LAMA2: variants seen among roughly 807,000 people sequenced by gnomAD.
LAMA2 encodes laminin subunit alpha-2.
LAMA2 carries 269 observed loss-of-function variants against 364.8 expected under a neutral mutation model. That is an observed-to-expected ratio of 0.74 (90% CI 0.67 to 0.82). LAMA2 has a LOEUF of 0.82. LAMA2 is among the 40% of genes least tolerant of loss of function. The probability of loss-of-function intolerance (pLI) is 0.00; values close to 1 mark genes in which losing one functional copy is unlikely to be tolerated. For missense variants in LAMA2, 3,807 were observed against 3,873.2 expected (o/e 0.98, Z 0.45); for synonymous variants, 1,379 against 1,370.6 (o/e 1.01, Z -0.14).
At chr6:129,464,538 G>A in intron 50 of LAMA2, 86 bp downstream of exon 50, 12 of 1,155,494 alleles carry the variant, frequency 1.0e-5, no homozygotes, top group Non-Finnish European at 1.6e-5. Flanking sequence ...TCAGTTATTG[G>A]TAAAATTATC....
At chr6:129,178,130 T>G (rs1348469670) in intron 10 of LAMA2, among the ~76,000 whole-genome samples, 1 of 152,294 alleles carries the variant, frequency 6.6e-6, no homozygotes, top group South Asian at 2.1e-4. Context: ...ATTGCCCAAC[T>G]AGTGTGTTAA....
intron 4 of LAMA2, among the ~76,000 whole-genome samples, chr6:129,137,548 ATAATT>A (rs1170354749): frequency 6.6e-6 from 1 of 152,108 alleles, no homozygotes; most frequent in Non-Finnish European, 1.5e-5. Flanking sequence ...TAGCTCTAAA[ATAATT>A]TATTAGACTA....
In LAMA2 at chr6:129,252,598, A is replaced by ATG. The variant is rs111553159; in HGVS notation, c.2096+304_2096+305dup. On this transcript the variant is annotated intron_variant, in intron 14 of 64. Coordinates refer to ENST00000421865, the MANE Select transcript of LAMA2 (RefSeq NM_000426.4). Reference sequence around the variant, plus strand: ...ATTGGAAAATAAAGTCTCCTTTATGATGGCTCATAGCGTGGGAAGCTAAAA... The same window carrying ATG: ...ATTGGAAAATAAAGTCTCCTTTATGATGTGGCTCATAGCGTGGGAAGCTAAAA... 2.3e-3 allele frequency among the ~76,000 whole-genome samples: 352 copies of ATG among 152,342 alleles called. 1 individual carries two copies. The highest frequency in any genetic ancestry group is 8.0e-3 in the African/African-American group (331 of 41,572).
chr6:129,400,840 C>G (rs1340522140), intron 37 of LAMA2, among the ~76,000 whole-genome samples: 2 of 152,324 alleles, frequency 1.3e-5, no homozygotes, highest in African/African-American at 4.8e-5. Context: ...TATGTTTATG[C>G]TCACAAAGTA....
chr6:129,183,664 T>C (rs944605378), intron 10 of LAMA2, among the ~76,000 whole-genome samples: 2 of 151,982 alleles, frequency 1.3e-5, no homozygotes, highest in African/African-American at 4.8e-5. Flanking sequence ...TTCCTTTGCT[T>C]AGCCAGGCAT....
intron 11 of LAMA2, 138 bp downstream of exon 11, chr6:129,190,483 A>G: frequency 1.1e-6 from 1 of 879,394 alleles, no homozygotes; most frequent in Admixed American, 2.5e-5. Flanking sequence ...AATTTTCTTC[A>G]AATGCTGTTG....
intron 1 of LAMA2, among the ~76,000 whole-genome samples, chr6:128,987,863 C>G (rs1319333671): frequency 6.6e-6 from 1 of 152,024 alleles, no homozygotes; most frequent in Non-Finnish European, 1.5e-5. Flanking sequence ...ATAGTGGCTA[C>G]TCAGCATGTA....
chr6:128,914,252 T>C (rs1021237151), intron 1 of LAMA2, among the ~76,000 whole-genome samples: 72 of 152,294 alleles, frequency 4.7e-4, no homozygotes, highest in African/African-American at 1.6e-3. Context: ...AACAATTTGA[T>C]ACTTCAAACC....
intron 4 of LAMA2, among the ~76,000 whole-genome samples, chr6:129,108,682 G>A (rs1271173297): frequency 6.6e-6 from 1 of 151,968 alleles, no homozygotes; most frequent in African/African-American, 2.4e-5. Context: ...CAATACAGAA[G>A]ATCCACTGAC....
At chr6:129,158,814 A>G in intron 8 of LAMA2, 1 of 1,614,102 alleles carries the variant, frequency 6.2e-7, no homozygotes, top group South Asian at 1.1e-5. Context: ...GATCCTTCAT[A>G]TTTCATACAC....
intron 8 of LAMA2, among the ~76,000 whole-genome samples, chr6:129,159,553 A>G (rs1350915600): frequency 6.6e-6 from 1 of 152,228 alleles, no homozygotes; most frequent in Non-Finnish European, 1.5e-5. Flanking sequence ...GTTTTAAACT[A>G]CATGCTTTAG....
At chr6:129,303,025 A>AATTG (rs1158979369) in intron 22 of LAMA2, among the ~76,000 whole-genome samples, 1 of 152,118 alleles carries the variant, frequency 6.6e-6, no homozygotes, top group Non-Finnish European at 1.5e-5. Flanking sequence ...AATTATATTG[A>AATTG]ATTGATAGAT....
At chr6:128,922,757 G>T (rs1466111814) in intron 1 of LAMA2, among the ~76,000 whole-genome samples, 3 of 152,066 alleles carry the variant, frequency 2.0e-5, no homozygotes, top group Non-Finnish European at 4.4e-5. Flanking sequence ...CATTGCTTTT[G>T]GTGTTTTAGA....
intron 55 of LAMA2, among the ~76,000 whole-genome samples, chr6:129,482,170 T>C (rs1444986857): frequency 6.6e-6 from 1 of 152,186 alleles, no homozygotes; most frequent in Non-Finnish European, 1.5e-5. Flanking sequence ...TAAATGGGCA[T>C]GGTCGTGCAC....
Position 128,888,353 on chromosome 6 carries a change from T to C in LAMA2, c.112+4996T>C, listed in dbSNP as rs190553325. On this transcript the variant is annotated intron_variant, in intron 1 of 64. Transcript: ENST00000421865. ...TGAGTAAAGAAGATAAAAAAATTCC[T>C]GCTCTTGTGGAACTAATATTTAGTT... Among the ~76,000 whole-genome samples the C allele has an allele frequency of 2.0e-5, 3 of 152,346 alleles. No homozygotes were observed. In the East Asian group the frequency reaches 5.8e-4, roughly 29 times the overall value.
intron 12 of LAMA2, among the ~76,000 whole-genome samples, chr6:129,212,179 T>G (rs377258): frequency 0.057 from 8,669 of 152,286 alleles, 812 homozygotes; most frequent in African/African-American, 0.2. Context: ...CCAAATTCTT[T>G]TCCAGCCCTC....
intron 4 of LAMA2, among the ~76,000 whole-genome samples, chr6:129,105,827 T>A (rs1022186400): frequency 6.6e-6 from 1 of 152,138 alleles, no homozygotes; most frequent in African/African-American, 2.4e-5. Flanking sequence ...TGGCACTGCT[T>A]TAGAGATCCT....
intron 37 of LAMA2, among the ~76,000 whole-genome samples, chr6:129,398,838 T>C (rs1779805947): frequency 6.6e-6 from 1 of 152,196 alleles, no homozygotes; most frequent in Admixed American, 6.5e-5. Context: ...GAGATAGTGA[T>C]ATATAAAACT....
intron 2 of LAMA2, among the ~76,000 whole-genome samples, chr6:129,053,024 C>A: frequency 6.6e-6 from 1 of 152,156 alleles, no homozygotes; most frequent in East Asian, 1.9e-4. Flanking sequence ...AAGGCAACCA[C>A]CAGAAACCTT....
Sources: allele counts gnomAD v4.1 joint callset (sites outside exome capture counted in the v4.1 genomes callset), GRCh38; gene constraint gnomAD v4.1.1; transcripts MANE v1.5; gene names NCBI Gene and HGNC (gene_info 2026-07-23, HGNC 2026-07-21).